Variants in XPOT observed in about 807,000 individuals in gnomAD.
The protein encoded by XPOT is exportin-T.
XPOT carries 34 observed loss-of-function variants against 128.2 expected under a neutral mutation model. That is an observed-to-expected ratio of 0.27 (90% CI 0.20 to 0.35). The LOEUF (loss-of-function observed/expected upper bound fraction) is 0.35, where lower values mean the gene tolerates loss of function less well. XPOT is among the 10% of genes least tolerant of loss of function. The pLI is 1.00. For synonymous variants in XPOT, 348 were observed against 394.3 expected, an observed-to-expected ratio of 0.88 and a Z score of 1.39; for missense variants, 838 against 1,125.3, an observed-to-expected ratio of 0.74 and a Z score of 3.65.
At chr12:64,423,267 G>A in intron 11 of XPOT, 23 bp downstream of exon 11, 1 of 1,458,898 alleles carries the variant, frequency 6.9e-7, no homozygotes, top group Non-Finnish European at 9.3e-7. Flanking sequence ...TTTTGTTGAG[G>A]AGAAAGGAGT....
intron 20 of XPOT, 70 bp downstream of exon 20, chr12:64,434,693 A>G (rs2040268493): frequency 2.0e-6 from 3 of 1,533,758 alleles, no homozygotes; most frequent in Admixed American, 3.4e-5. Context: ...ATAATGGAAC[A>G]TAGCCCTAAC....
chr12:64,407,002 A>G (rs1200871294), intron 1 of XPOT, among the ~76,000 whole-genome samples: 2 of 151,956 alleles, frequency 1.3e-5, no homozygotes, highest in Non-Finnish European at 2.9e-5. Flanking sequence ...AGCCTTTACA[A>G]CTTTATGAGG....
chr12:64,431,588 G>A lies in XPOT; in HGVS notation c.2027G>A (p.Cys676Tyr). Reference protein sequence around the residue: ...SNKQTVKQCGCSEVYLDCLQT... With the variant: ...SNKQTVKQCGYSEVYLDCLQT... Reference sequence around the variant, plus strand: ...AAACAGACTGTGAAACAATGTGGCTGTTCCGAAGTTTATCTGGACTGTTTA... The same window carrying A: ...AAACAGACTGTGAAACAATGTGGCTATTCCGAAGTTTATCTGGACTGTTTA... The change falls in exon 18 of 25, where the codon TGT becomes TAT. Residue 676 changes from cysteine to tyrosine, a missense_variant. By Grantham distance (194) the Cys-to-Tyr change is radical. This residue lies in a region of XPOT where 761 missense variants were observed against 988.3 expected (regional missense o/e 0.77). Transcript: ENST00000332707. 1.2e-6 allele frequency: 2 copies of A among 1,613,958 alleles called. No homozygotes were observed. The highest frequency in any genetic ancestry group is 1.1e-5 in the South Asian group (1 of 91,076).
intron 2 of XPOT, among the ~76,000 whole-genome samples, chr12:64,411,080 A>G (rs2040034762): frequency 6.6e-6 from 1 of 152,236 alleles, no homozygotes; most frequent in South Asian, 2.1e-4. Context: ...CTGCTACTAA[A>G]TAAGTAACGA....
chr12:64,416,446 TGC>T (rs1295649984), intron 3 of XPOT, among the ~76,000 whole-genome samples: 9 of 152,242 alleles, frequency 5.9e-5, no homozygotes, highest in Admixed American at 5.2e-4. Flanking sequence ...GTATTCAAGG[TGC>T]ATCTTAATAT....
chr12:64,434,433 T>C (rs113197968), intron 19 of XPOT, 74 bp from the exon 20 acceptor site: 12 of 984,272 alleles, frequency 1.2e-5, no homozygotes, highest in African/African-American at 8.0e-5. Context: ...TGTTAATGTA[T>C]ATGAAAAGAG....
intron 14 of XPOT, 128 bp from the exon 15 acceptor site, chr12:64,425,687 C>A: frequency 9.9e-7 from 1 of 1,014,446 alleles, no homozygotes; most frequent in Non-Finnish European, 1.5e-6. Context: ...TAGAATTACT[C>A]GTATATTCCT....
chr12:64,406,773 T>G (rs1262286088), intron 1 of XPOT, among the ~76,000 whole-genome samples: 1 of 152,198 alleles, frequency 6.6e-6, no homozygotes, highest in Non-Finnish European at 1.5e-5. Flanking sequence ...TTTCTCTCTG[T>G]GGGCATTTTT....
At chr12:64,436,873 T>A (rs2040286961) in intron 22 of XPOT, among the ~76,000 whole-genome samples, 1 of 152,224 alleles carries the variant, frequency 6.6e-6, no homozygotes, top group Non-Finnish European at 1.5e-5. Flanking sequence ...CCCAGCTGAT[T>A]CTGGGTATTT....
At position 64,431,574 on chromosome 12, in the gene XPOT, G is replaced by A. The variant is rs908610739; in HGVS notation, c.2013G>A (p.Val671=). 3 of 1,613,818 alleles carry A rather than the reference G, an allele frequency of 1.9e-6. No homozygotes were observed. The highest frequency in any genetic ancestry group is 1.7e-5 in the Admixed American group (1 of 59,992). The change falls in exon 18 of 25, where the codon GTG becomes GTA. Residue 671 remains valine (V), a synonymous_variant. Transcript: ENST00000332707. ...TSKAFSNKQT[V]KQCGCSEVYL... ...AAGCTTTCAGCAACAAACAGACTGT[G>A]AAACAATGTGGCTGTTCCGAAGTTT... is the stretch of plus-strand genomic sequence containing the variant.
chr12:64,440,258 A>G (rs995028975), intron 23 of XPOT, among the ~76,000 whole-genome samples: 4 of 152,212 alleles, frequency 2.6e-5, no homozygotes, highest in African/African-American at 7.2e-5. Flanking sequence ...GTTTCACACA[A>G]TGTCCTTTAG....
At chr12:64,405,200 C>G (rs187105950) in intron 1 of XPOT, 44 of 152,478 alleles carry the variant, frequency 2.9e-4, no homozygotes, top group Admixed American at 2.6e-3. Flanking sequence ...TGATTCTTCC[C>G]CCACCCCTGG....
chr12:64,430,699 C>T (rs1269937032), intron 17 of XPOT, among the ~76,000 whole-genome samples: 1 of 152,132 alleles, frequency 6.6e-6, no homozygotes, highest in African/African-American at 2.4e-5. Context: ...TCTAGCCATA[C>T]TTTTTGTTGA....
At chr12:64,416,555 TA>T in intron 3 of XPOT, 142 bp from the exon 4 acceptor site, 1 of 601,388 alleles carries the variant, frequency 1.7e-6, no homozygotes. Context: ...TTTAATGTCA[TA>T]AAATGAGACC....
chr12:64,431,742 A>G lies in XPOT; in HGVS notation c.2181A>G (p.Ser727=), dbSNP rs765530314. The G allele has an allele frequency of 1.9e-6, 3 of 1,614,048 alleles. No individual in the cohort carries two copies. Among genetic ancestry groups the G allele is most frequent in the Admixed American group, 1.7e-5 (1 of 60,006 alleles). The part of the protein sequence containing the change: ...EEVLPFIPSA[S]EHMLKDCEAK... ...TTCTTCCGTTCATTCCATCTGCTTC[A>G]GAACATATGCTCAAAGATTGTGAAG... The change falls in exon 18 of 25, where the codon TCA becomes TCG. Residue 727 remains serine (S), a synonymous_variant. Coordinates refer to ENST00000332707, the MANE Select transcript of XPOT (RefSeq NM_007235.6).
rs1459183285 is a variant in XPOT, at chr12:64,425,446, C to A, written c.1561C>A (p.Pro521Thr). The A allele has an allele frequency of 1.2e-6, 2 of 1,613,894 alleles. No homozygotes were observed. The highest frequency in any genetic ancestry group is 2.2e-5 in the South Asian group (2 of 91,058). ...TTTCACAGTTGAACCTCAGCACATT[C>A]CATGTGTACTAGTAAGTACTCTGGA... ...KFFTVEPQHI[P>T]CVLMAFLDHR... The change falls in exon 14 of 25, where the codon CCA becomes ACA. Residue 521 changes from proline (P) to threonine (T), a missense_variant. Pro to Thr is a conservative substitution (Grantham distance 38). Coordinates refer to ENST00000332707, the MANE Select transcript of XPOT (RefSeq NM_007235.6).
rs2040156856 is a variant in XPOT, at chr12:64,423,172, T to C, written c.1120-10T>C. The C allele has an allele frequency of 6.2e-7, 1 of 1,600,882 alleles. No individual in the cohort carries two copies. On this transcript the variant is annotated splice_polypyrimidine_tract_variant and intron_variant, in intron 10 of 24. Coordinates refer to ENST00000332707, the MANE Select transcript of XPOT (RefSeq NM_007235.6). The stretch of plus-strand genomic sequence containing the variant: ...GACAAAAACTCTTTTATTCTCAATT[T>C]TATTCTTAGGCAATCATGTTGGCCG...
At chr12:64,413,635 AC>A (rs1431079431) in intron 2 of XPOT, among the ~76,000 whole-genome samples, 3 of 152,140 alleles carry the variant, frequency 2.0e-5, no homozygotes, top group Admixed American at 6.5e-5. Flanking sequence ...ATGTATGAAA[AC>A]CCATTCCCTC....
chr12:64,418,016 A>G, intron 4 of XPOT, 30 bp from the exon 5 acceptor site: 1 of 1,565,140 alleles, frequency 6.4e-7, no homozygotes, highest in Non-Finnish European at 8.7e-7. Flanking sequence ...AAATATAGCC[A>G]TTATTCTTTT....
Sources: gnomAD v4.1 joint callset for allele counts (sites outside exome capture counted in the v4.1 genomes callset) on GRCh38, gnomAD v4.1.1 for gene constraint, gnomAD v4.1.1 regional missense constraint, MANE v1.5 for transcripts, NCBI Gene and HGNC (gene_info 2026-07-23, HGNC 2026-07-21) for gene names.